The following AOAH variants were observed in gnomAD, a reference collection of about 807,000 sequenced individuals.
AOAH encodes acyloxyacyl hydrolase (neutrophil).
AOAH carries 64 observed loss-of-function variants against 92.2 expected under a neutral mutation model. The ratio of observed to expected loss-of-function variants is 0.69; its 90% CI spans 0.57 to 0.86. The LOEUF is 0.86. AOAH is among the 40% of genes least tolerant of loss of function. The pLI is 0.00. For synonymous variants in AOAH, 263 were observed against 254.5 expected (o/e 1.03, Z -0.32); for missense variants, 656 against 694.6 (o/e 0.94, Z 0.62).
rs1234906592 is a variant in AOAH, at chr7:36,513,303, A to G, written c.1677T>C (p.Asn559=). The change falls in exon 21 of 21, where the codon AAT becomes AAC. Residue 559 remains asparagine, a synonymous_variant. Coordinates refer to ENST00000617537, the MANE Select transcript of AOAH (RefSeq NM_001637.4). Reference sequence around the variant, plus strand: ...CCTGTTTAATCTGGGGGTTGAACGGATTCTCCTTTCCCAGGATTTGGGGCC... The same window carrying G: ...CCTGTTTAATCTGGGGGTTGAACGGGTTCTCCTTTCCCAGGATTTGGGGCC... ...LQWPQILGKE[N]PFNPQIKQVF... 3.1e-6 allele frequency: 5 copies of G among 1,614,058 alleles called. No homozygotes were observed. The African/African-American group carries it at 6.7e-5, about 22-fold the overall frequency.
rs767351314 is a variant in AOAH, at chr7:36,532,363, T to C, written c.1307-19A>G. 24 of 1,612,666 alleles carry C rather than the reference T, an allele frequency of 1.5e-5. No individual in the cohort carries two copies. In the South Asian group the frequency reaches 2.6e-4, roughly 18 times the overall value. On this transcript the variant is annotated intron_variant, in intron 16 of 20. Coordinates refer to ENST00000617537, the MANE Select transcript of AOAH (RefSeq NM_001637.4). ...AGCTGGCCTGGAAAACAGAGAGGTC[T>C]GGTAGATTGCATCCACTCGGCAATA...
At position 36,681,405 on chromosome 7, in the gene AOAH, G is replaced by GA. The variant is rs148380634; in HGVS notation, c.223+5293dup. Among the ~76,000 whole-genome samples the GA allele has an allele frequency of 5.9e-3, 897 of 151,310 alleles. 10 individuals are homozygous for GA. Among genetic ancestry groups the GA allele is most frequent in the African/African-American group, 0.021 (864 of 41,264 alleles). On this transcript the variant is annotated intron_variant, in intron 2 of 20. Coordinates refer to ENST00000617537, the MANE Select transcript of AOAH (RefSeq NM_001637.4). ...TATAGATCTTAAAATCATGTTGCGT[G>GA]AAAAAAAAACTTGCTGAGCAACGCA... is the stretch of plus-strand genomic sequence containing the variant.
At chr7:36,678,590 TGTGTGTGTGTGCGCGC>T (rs1584097500) in intron 2 of AOAH, among the ~76,000 whole-genome samples, 1 of 93,386 alleles carries the variant, frequency 1.1e-5, no homozygotes, top group African/African-American at 5.6e-5. Flanking sequence ...TGTGTGTGTG[TGTGTGTGTGTGCGCGC>T]GCGCGCGCGT....
At chr7:36,596,212 A>G (rs920253506) in intron 11 of AOAH, among the ~76,000 whole-genome samples, 2 of 146,952 alleles carry the variant, frequency 1.4e-5, no homozygotes, top group Non-Finnish European at 3.0e-5. Flanking sequence ...CTTGTGAGAT[A>G]ACCACGGTTA....
chr7:36,619,330 CA>C, intron 9 of AOAH, among the ~76,000 whole-genome samples: 1 of 152,196 alleles, frequency 6.6e-6, no homozygotes, highest in Non-Finnish European at 1.5e-5. Flanking sequence ...GTCCTTCTCC[CA>C]TCACTGATGA....
intron 3 of AOAH, among the ~76,000 whole-genome samples, 181 bp from the exon 4 acceptor site, chr7:36,659,446 C>A (rs1050537146): frequency 1.3e-5 from 2 of 152,196 alleles, no homozygotes; most frequent in African/African-American, 4.8e-5. Flanking sequence ...GCCACTGTTG[C>A]TCTCTCCTGC....
At chr7:36,658,765 G>C (rs1016280283) in intron 4 of AOAH, among the ~76,000 whole-genome samples, 1 of 152,146 alleles carries the variant, frequency 6.6e-6, no homozygotes, top group African/African-American at 2.4e-5. Flanking sequence ...GTGACCAACT[G>C]CCCAGGATTT....
intron 12 of AOAH, among the ~76,000 whole-genome samples, chr7:36,593,394 C>T (rs946242014): frequency 6.6e-6 from 1 of 152,200 alleles, no homozygotes; most frequent in East Asian, 1.9e-4. Flanking sequence ...CCTTTGGGGG[C>T]ATTCCTGTTC....
At chr7:36,670,167 TAAGG>T (rs1185489921) in intron 3 of AOAH, among the ~76,000 whole-genome samples, 1 of 152,142 alleles carries the variant, frequency 6.6e-6, no homozygotes, top group African/African-American at 2.4e-5. Context: ...TGTGAAATAA[TAAGG>T]AAGGATGCCC....
chr7:36,564,262 T>A (rs540064441), intron 13 of AOAH, among the ~76,000 whole-genome samples: 59 of 152,194 alleles, frequency 3.9e-4, no homozygotes, highest in Non-Finnish European at 6.0e-4. Flanking sequence ...ACAGACAGAG[T>A]TAAGTGCTTC....
At chr7:36,605,258 T>C (rs1790915313) in intron 11 of AOAH, among the ~76,000 whole-genome samples, 1 of 149,316 alleles carries the variant, frequency 6.7e-6, no homozygotes, top group Non-Finnish European at 1.5e-5. Context: ...GAAAAAACAA[T>C]GAATGAACAG....
chr7:36,634,091 A>C (rs1793351210), intron 5 of AOAH, among the ~76,000 whole-genome samples: 1 of 152,120 alleles, frequency 6.6e-6, no homozygotes, highest in African/African-American at 2.4e-5. Flanking sequence ...GGGTGGTTAG[A>C]AGGGTGACTC....
chr7:36,639,125 A>G (rs975931114), intron 4 of AOAH, among the ~76,000 whole-genome samples: 1 of 152,262 alleles, frequency 6.6e-6, no homozygotes, highest in Non-Finnish European at 1.5e-5. Context: ...GACATCTTTA[A>G]TACAAAAGCT....
chr7:36,594,500 T>A lies in AOAH; in HGVS notation c.847-70A>T, dbSNP rs1023653732. The A allele has an allele frequency of 3.1e-6, 4 of 1,277,542 alleles. No homozygotes were observed. The African/African-American group carries it at 5.9e-5, about 19-fold the overall frequency. The allele number at this position is 1,277,542 out of a possible 1,614,324, so 79.1% of individuals were successfully genotyped here. ...TTTCTAAAGGTAGTAAGAAAATTCA[T>A]GGCCTGAGTGTTGCTCTCTGTGTGT... On this transcript the variant is annotated intron_variant, in intron 11 of 20. Transcript: ENST00000617537.
intron 18 of AOAH, among the ~76,000 whole-genome samples, chr7:36,531,014 A>T (rs1784660185): frequency 6.6e-6 from 1 of 152,246 alleles, no homozygotes; most frequent in Admixed American, 6.5e-5. Context: ...TAAATTTGGA[A>T]ACAATCTAAA....
chr7:36,521,837 G>T (rs1784122295), intron 20 of AOAH, among the ~76,000 whole-genome samples: 1 of 152,130 alleles, frequency 6.6e-6, no homozygotes, highest in Admixed American at 6.5e-5. Context: ...AGGAATCCAG[G>T]TATAATTTCT....
chr7:36,632,114 G>T lies in AOAH; in HGVS notation c.451-8C>A. ...ACCACTTCTAGAATATTTCTGGGGA[G>T]AAAAAAAAAAACAAAAAGAGAGTTG... On this transcript the variant is annotated splice_region_variant and splice_polypyrimidine_tract_variant and intron_variant, in intron 5 of 20. Coordinates refer to ENST00000617537, the MANE Select transcript of AOAH (RefSeq NM_001637.4). The T allele has an allele frequency of 1.5e-6, 2 of 1,302,384 alleles. No homozygotes were observed. Among genetic ancestry groups the T allele is most frequent in the East Asian group, 2.8e-5 (1 of 36,164 alleles). The allele number at this position is 1,302,384 out of a possible 1,614,324, so 80.7% of individuals were successfully genotyped here.
chr7:36,617,761 C>T (rs1792002657), intron 10 of AOAH, among the ~76,000 whole-genome samples: 1 of 152,160 alleles, frequency 6.6e-6, no homozygotes, highest in Non-Finnish European at 1.5e-5. Context: ...GATGTTTGTG[C>T]CATCTGGGCA....
chr7:36,535,721 G>A (rs754902397), intron 16 of AOAH, among the ~76,000 whole-genome samples: 10 of 147,756 alleles, frequency 6.8e-5, no homozygotes, highest in Non-Finnish European at 1.3e-4. Flanking sequence ...TGCTGAGTTC[G>A]CTAGCGGAGT....
Sources: allele counts gnomAD v4.1 joint callset (sites outside exome capture counted in the v4.1 genomes callset), GRCh38; gene constraint gnomAD v4.1.1; transcripts MANE v1.5; gene names NCBI Gene and HGNC (gene_info 2026-07-23, HGNC 2026-07-21).